The following KIF20B variants were observed in gnomAD, a reference collection of about 807,000 sequenced individuals.
KIF20B encodes kinesin-like protein KIF20B.
Under a neutral mutation model 232.5 loss-of-function variants are expected in KIF20B, and 188 were observed. That is an observed-to-expected ratio of 0.81 (90% CI 0.72 to 0.91). KIF20B has a LOEUF of 0.91. KIF20B is among the 40% of genes least tolerant of loss of function. The pLI is 0.00. For synonymous variants in KIF20B, 712 were observed against 683.0 expected (o/e 1.04, Z -0.66); for missense variants, 2,154 against 2,055.9 (o/e 1.05, Z -0.92).
At chr10:89,737,266 T>G in intron 19 of KIF20B, 121 bp from the exon 20 acceptor site, 1 of 932,540 alleles carries the variant, frequency 1.1e-6, no homozygotes, top group Non-Finnish European at 1.3e-6. Flanking sequence ...TTATTTCATT[T>G]TTTTTTTTTA....
chr10:89,760,805 A>C (rs1842224233), intron 28 of KIF20B, among the ~76,000 whole-genome samples, 169 bp downstream of exon 28: 1 of 152,184 alleles, frequency 6.6e-6, no homozygotes, highest in Non-Finnish European at 1.5e-5. Context: ...TTCTTTTGGG[A>C]GATTATATGC....
At chr10:89,747,308 C>T (rs1465024443) in intron 23 of KIF20B, among the ~76,000 whole-genome samples, 1 of 151,790 alleles carries the variant, frequency 6.6e-6, no homozygotes, top group African/African-American at 2.4e-5. Flanking sequence ...CTAGTTCAAC[C>T]ATTGTGGAAG....
intron 18 of KIF20B, among the ~76,000 whole-genome samples, chr10:89,730,811 C>A (rs1843301796): frequency 6.6e-6 from 1 of 152,042 alleles, no homozygotes; most frequent in African/African-American, 2.4e-5. Flanking sequence ...GTGGGGGAGT[C>A]ATTTTCACCA....
At chr10:89,710,155 T>C (rs1001546286) in intron 5 of KIF20B, 90 bp downstream of exon 5, 1 of 1,104,876 alleles carries the variant, frequency 9.1e-7, no homozygotes, top group Non-Finnish European at 1.3e-6. Flanking sequence ...GTTATGTTGC[T>C]ATTACCTAGT....
intron 29 of KIF20B, among the ~76,000 whole-genome samples, chr10:89,765,792 T>G (rs10881661): frequency 0.31 from 46,274 of 151,694 alleles, 7,847 homozygotes; most frequent in African/African-American, 0.45. Flanking sequence ...AAATTTTGGG[T>G]TGAAAATTCT....
rs543186692 is a variant in KIF20B, at chr10:89,758,745, C to G, written c.4543C>G (p.Leu1515Val). Reference sequence around the variant, plus strand: ...CCAGCTGACAGAGAAAGATAGTGACCTTCAAAAGTGGCGAGAAGAACGAGA... The same window carrying G: ...CCAGCTGACAGAGAAAGATAGTGACGTTCAAAAGTGGCGAGAAGAACGAGA... ...TAQLTEKDSD[L>V]QKWREERDQL... The change falls in exon 27 of 33, where the codon CTT becomes GTT. Residue 1515 changes from leucine to valine, a missense_variant. Coordinates refer to ENST00000371728, the MANE Select transcript of KIF20B (RefSeq NM_001284259.2). 46 of 1,605,132 alleles carry G rather than the reference C, an allele frequency of 2.9e-5. 1 individual carries two copies. The South Asian group carries it at 4.5e-4, about 16-fold the overall frequency.
At chr10:89,739,222 A>T in intron 21 of KIF20B, 126 bp downstream of exon 21, 1 of 1,030,482 alleles carries the variant, frequency 9.7e-7, no homozygotes, top group Non-Finnish European at 1.4e-6. Flanking sequence ...TCTTAAAATT[A>T]CAAGAACAGT....
At position 89,717,503 on chromosome 10, in the gene KIF20B, G is replaced by T; in HGVS notation, c.1124+8G>T. 6.3e-7 allele frequency: 1 copy of T among 1,591,332 alleles called. No individual in the cohort carries two copies. The highest frequency in any genetic ancestry group is 1.1e-5 in the South Asian group (1 of 89,126). ...TGTAATTCGAGTCAGTGAGTAAGTT[G>T]AATATTCTTTAAATTTAATTATTTG... is the stretch of plus-strand genomic sequence containing the variant. On this transcript the variant is annotated splice_region_variant and intron_variant, in intron 10 of 32. Coordinates refer to ENST00000371728, the MANE Select transcript of KIF20B (RefSeq NM_001284259.2).
intron 1 of KIF20B, among the ~76,000 whole-genome samples, chr10:89,703,609 T>TA (rs1842657814): frequency 6.6e-6 from 1 of 152,160 alleles, no homozygotes; most frequent in East Asian, 1.9e-4. Context: ...TCCCGGGTTT[T>TA]ATGTGTCTGG....
rs549077888 is a variant in KIF20B, at chr10:89,759,439, T to C, written c.4680+557T>C. On this transcript the variant is annotated intron_variant, in intron 27 of 32. Transcript: ENST00000371728. The stretch of plus-strand genomic sequence containing the variant: ...AATAGAATCTGGGTACATCTGAAGC[T>C]AGTCTTTCTGGAATAATCTGTACTT... Among the ~76,000 whole-genome samples the C allele has an allele frequency of 3.3e-5, 5 of 152,240 alleles. No homozygotes were observed. The East Asian group carries it at 7.7e-4, about 23-fold the overall frequency.
intron 12 of KIF20B, 90 bp downstream of exon 12, chr10:89,718,962 G>A: frequency 2.5e-6 from 2 of 787,108 alleles, no homozygotes; most frequent in South Asian, 2.9e-5. Context: ...TGTAAGCCTA[G>A]GAAATAATTG....
rs757599461 is a variant in KIF20B at position 89,762,819 on chromosome 10, G to C, written c.4973G>C (p.Ser1658Thr). 6.2e-7 allele frequency: 1 copy of C among 1,609,142 alleles called. No individual in the cohort carries two copies. Among genetic ancestry groups the C allele is most frequent in the Non-Finnish European group, 8.5e-7 (1 of 1,175,788 alleles). The change falls in exon 29 of 33, where the codon AGT becomes ACT. Residue 1658 changes from serine to threonine, a missense_variant. Coordinates refer to ENST00000371728, the MANE Select transcript of KIF20B (RefSeq NM_001284259.2). Reference sequence around the variant, plus strand: ...ATTCCCAAGGCTCGGAAGAGGAAGAGTAATGAAATGGAGGAGGTAAATACT... The same window carrying C: ...ATTCCCAAGGCTCGGAAGAGGAAGACTAATGAAATGGAGGAGGTAAATACT... ...VKIPKARKRKSNEMEEDLVKC... is the reference protein window; with the variant it reads ...VKIPKARKRKTNEMEEDLVKC...
chr10:89,721,292 T>C (rs1389761674), intron 13 of KIF20B, among the ~76,000 whole-genome samples: 3 of 152,228 alleles, frequency 2.0e-5, no homozygotes, highest in Non-Finnish European at 4.4e-5. Flanking sequence ...AGTCCCACTT[T>C]ATCTGGTCAC....
intron 2 of KIF20B, among the ~76,000 whole-genome samples, chr10:89,706,679 G>A (rs952828373): frequency 1.5e-4 from 23 of 149,458 alleles, no homozygotes; most frequent in Admixed American, 4.0e-4. Context: ...ATTATCTATT[G>A]AAAAGACTTT....
chr10:89,727,625 C>T (rs903555334), intron 16 of KIF20B, among the ~76,000 whole-genome samples: 7 of 152,014 alleles, frequency 4.6e-5, no homozygotes, highest in Non-Finnish European at 1.0e-4. Flanking sequence ...GCATATGCCA[C>T]CTATTTTTAT....
intron 17 of KIF20B, among the ~76,000 whole-genome samples, chr10:89,728,825 A>G (rs1215015437): frequency 6.6e-6 from 1 of 151,916 alleles, no homozygotes. Flanking sequence ...GTGACATATT[A>G]AAAGGGATAG....
intron 21 of KIF20B, among the ~76,000 whole-genome samples, chr10:89,742,267 A>G (rs1841815413): frequency 6.6e-6 from 1 of 152,184 alleles, no homozygotes; most frequent in South Asian, 2.1e-4. Context: ...GTGTGTTTCG[A>G]TTGATGGTGT....
At chr10:89,743,338 C>T (rs570947066) in intron 21 of KIF20B, among the ~76,000 whole-genome samples, 2 of 152,300 alleles carry the variant, frequency 1.3e-5, no homozygotes, top group East Asian at 3.9e-4. Flanking sequence ...CCTTCACTTG[C>T]GTGGGTACCT....
chr10:89,735,244 A>G lies in KIF20B; in HGVS notation c.2546-2143A>G, dbSNP rs1841623691. ...AAATCACAAAGATTATTTGTTTTCTATACCATGATATGTCTTAGAGATAGA... is the reference window on the plus strand; with the variant it reads ...AAATCACAAAGATTATTTGTTTTCTGTACCATGATATGTCTTAGAGATAGA... On this transcript the variant is annotated intron_variant, in intron 19 of 32. Transcript: ENST00000371728. Among the ~76,000 whole-genome samples the G allele has an allele frequency of 2.0e-5, 3 of 152,184 alleles. No homozygotes were observed. The South Asian group carries it at 6.2e-4, about 31-fold the overall frequency.
Sources: gnomAD v4.1 joint callset for allele counts (sites outside exome capture counted in the v4.1 genomes callset) on GRCh38, gnomAD v4.1.1 for gene constraint, MANE v1.5 for transcripts, NCBI Gene and HGNC (gene_info 2026-07-23, HGNC 2026-07-21) for gene names.